SNTG1: variants seen among roughly 807,000 people sequenced by gnomAD.
The protein encoded by SNTG1 is gamma-1-syntrophin.
Under a neutral mutation model 74.7 loss-of-function variants are expected in SNTG1, and 39 were observed. That is an observed-to-expected ratio of 0.52 (90% CI 0.40 to 0.68). The LOEUF is 0.68. SNTG1 is among the 30% of genes least tolerant of loss of function. The probability of loss-of-function intolerance (pLI) is 0.00; values close to 1 mark genes in which losing one functional copy is unlikely to be tolerated. For synonymous variants in SNTG1, 254 were observed against 217.1 expected (o/e 1.17, Z -1.49); for missense variants, 685 against 609.5 (o/e 1.12, Z -1.30).
chr8:50,515,948 A>G (rs945755797), intron 9 of SNTG1, among the ~76,000 whole-genome samples: 4 of 152,188 alleles, frequency 2.6e-5, no homozygotes, highest in African/African-American at 9.6e-5. Flanking sequence ...AGCTCTGCTA[A>G]GGAACAGATT....
intron 14 of SNTG1, among the ~76,000 whole-genome samples, chr8:50,657,761 C>T (rs2095192602): frequency 6.6e-6 from 1 of 152,094 alleles, no homozygotes. Context: ...AAATCAATAA[C>T]ATTTTCATCT....
At chr8:50,312,048 G>A (rs1003288385) in intron 2 of SNTG1, among the ~76,000 whole-genome samples, 7 of 147,956 alleles carry the variant, frequency 4.7e-5, no homozygotes, top group Non-Finnish European at 4.5e-5. Context: ...TGTATTTTGT[G>A]AAGAATATGT....
chr8:50,679,762 C>A (rs965560988), intron 15 of SNTG1, among the ~76,000 whole-genome samples: 3 of 152,150 alleles, frequency 2.0e-5, no homozygotes, highest in Non-Finnish European at 1.5e-5. Flanking sequence ...GCTTGCTTGA[C>A]ACTAAGAGGA....
chr8:50,083,603 A>C (rs1822606672), intron 1 of SNTG1, among the ~76,000 whole-genome samples: 1 of 152,232 alleles, frequency 6.6e-6, no homozygotes, highest in Non-Finnish European at 1.5e-5. Context: ...TTTCACTAAC[A>C]GAATTCTGTT....
chr8:50,581,418 C>A (rs1256257832), intron 12 of SNTG1, among the ~76,000 whole-genome samples: 1 of 152,134 alleles, frequency 6.6e-6, no homozygotes, highest in East Asian at 1.9e-4. Flanking sequence ...ATCATATTTA[C>A]TCTATATTTT....
chr8:50,285,211 A>T (rs1473002953), intron 2 of SNTG1, among the ~76,000 whole-genome samples: 1 of 152,074 alleles, frequency 6.6e-6, no homozygotes. Context: ...CATTTTTCTC[A>T]CTATCACCAT....
chr8:50,540,021 A>G (rs1014076026), intron 11 of SNTG1, among the ~76,000 whole-genome samples: 2 of 152,022 alleles, frequency 1.3e-5, no homozygotes, highest in East Asian at 1.9e-4. Flanking sequence ...AACCCAGGGG[A>G]TTCAGCACTT....
At chr8:49,916,192 TAC>T (rs68125934) in intron 1 of SNTG1, among the ~76,000 whole-genome samples, 147,130 of 151,268 alleles carry the variant, frequency 0.97, 71,649 homozygotes, top group East Asian at 1. Flanking sequence ...TTTTGTCAAA[TAC>T]ACACACACAC....
intron 2 of SNTG1, among the ~76,000 whole-genome samples, chr8:50,356,456 C>G (rs1344562355): frequency 6.6e-6 from 1 of 152,156 alleles, no homozygotes; most frequent in African/African-American, 2.4e-5. Flanking sequence ...TACTCTTTGT[C>G]TTAGTCCATT....
intron 1 of SNTG1, among the ~76,000 whole-genome samples, chr8:49,942,414 T>A (rs748230965): frequency 1.3e-5 from 2 of 152,228 alleles, no homozygotes; most frequent in Non-Finnish European, 2.9e-5. Flanking sequence ...TTTCTTTTAT[T>A]ATTAACATCT....
chr8:50,045,124 G>A (rs1427425444), intron 1 of SNTG1, among the ~76,000 whole-genome samples: 1 of 152,180 alleles, frequency 6.6e-6, no homozygotes, highest in Admixed American at 6.5e-5. Flanking sequence ...CTGGAAGTCA[G>A]AAAACGTGGG....
intron 4 of SNTG1, 58 bp from the exon 5 acceptor site, chr8:50,438,485 T>C (rs1482655468): frequency 8.2e-6 from 12 of 1,465,052 alleles, no homozygotes; most frequent in Non-Finnish European, 1.1e-5. Context: ...CAACAAAAAA[T>C]GGTGTGTAAG....
At chr8:50,310,190 T>A (rs1057310975) in intron 2 of SNTG1, among the ~76,000 whole-genome samples, 3 of 152,210 alleles carry the variant, frequency 2.0e-5, no homozygotes, top group African/African-American at 7.2e-5. Flanking sequence ...GTTTGAAATA[T>A]CTGCTTTGTT....
At chr8:50,658,421 A>T (rs6473271) in intron 14 of SNTG1, among the ~76,000 whole-genome samples, 171 bp from the exon 15 acceptor site, 131,934 of 152,232 alleles carry the variant, frequency 0.87, 57,391 homozygotes, top group African/African-American at 0.93. Flanking sequence ...AAGCTTGGAA[A>T]AGAGGAAACA....
intron 2 of SNTG1, among the ~76,000 whole-genome samples, chr8:50,238,885 TA>T (rs1342053761): frequency 6.6e-6 from 1 of 152,034 alleles, no homozygotes; most frequent in African/African-American, 2.4e-5. Flanking sequence ...AACAAGCATA[TA>T]AAAAATGCTC....
chr8:50,019,370 C>A (rs755893928), intron 1 of SNTG1, among the ~76,000 whole-genome samples: 2 of 151,914 alleles, frequency 1.3e-5, no homozygotes, highest in Non-Finnish European at 2.9e-5. Flanking sequence ...AAAATACAAA[C>A]GAGTGTGCAT....
intron 17 of SNTG1, among the ~76,000 whole-genome samples, chr8:50,716,571 T>C (rs538862679): frequency 1.3e-5 from 2 of 152,240 alleles, no homozygotes; most frequent in East Asian, 3.9e-4. Flanking sequence ...AACTCTCAGG[T>C]ACTTGTTTCC....
intron 4 of SNTG1, among the ~76,000 whole-genome samples, chr8:50,427,057 A>C (rs1211933075): frequency 6.6e-6 from 1 of 152,164 alleles, no homozygotes; most frequent in African/African-American, 2.4e-5. Flanking sequence ...TTGGTATTCC[A>C]AGGAGATCAT....
intron 4 of SNTG1, among the ~76,000 whole-genome samples, chr8:50,427,439 T>C (rs1360896923): frequency 6.6e-6 from 1 of 152,214 alleles, no homozygotes; most frequent in Non-Finnish European, 1.5e-5. Flanking sequence ...TTTTTATTTT[T>C]AATTTTTTGA....
Sources: gnomAD v4.1 joint callset for allele counts (sites outside exome capture counted in the v4.1 genomes callset) on GRCh38, gnomAD v4.1.1 for gene constraint, MANE v1.5 for transcripts, NCBI Gene and HGNC (gene_info 2026-07-23, HGNC 2026-07-21) for gene names.